The following KCNH5 variants were observed in gnomAD, a reference collection of about 807,000 sequenced individuals.
KCNH5 encodes potassium voltage-gated channel subfamily H member 5.
KCNH5 carries 46 observed loss-of-function variants against 96.1 expected under a neutral mutation model. The ratio of observed to expected loss-of-function variants is 0.48; its 90% CI spans 0.38 to 0.61. KCNH5 has a LOEUF of 0.61. Ranked by LOEUF, KCNH5 falls within the 20% of genes least tolerant of loss-of-function variation. KCNH5 has a pLI of 0.00. For synonymous variants in KCNH5, 439 were observed against 449.8 expected, an observed-to-expected ratio of 0.98 and a Z score of 0.30; for missense variants, 907 against 1,225.8, an observed-to-expected ratio of 0.74 and a Z score of 3.88.
intron 7 of KCNH5, among the ~76,000 whole-genome samples, chr14:62,911,311 C>G (rs1289280294): frequency 7.1e-6 from 1 of 140,646 alleles, no homozygotes; most frequent in African/African-American, 2.7e-5. Context: ...CGGAGTCTTG[C>G]TCTTTTACCC....
chr14:62,745,297 T>G (rs1307563655), intron 10 of KCNH5, among the ~76,000 whole-genome samples: 1 of 152,158 alleles, frequency 6.6e-6, no homozygotes, highest in Non-Finnish European at 1.5e-5. Context: ...ATCCTAAACA[T>G]AGTGGCAGCC....
chr14:62,850,957 T>C (rs1326325287), intron 7 of KCNH5, among the ~76,000 whole-genome samples: 2 of 152,184 alleles, frequency 1.3e-5, no homozygotes, highest in Admixed American at 6.5e-5. Flanking sequence ...ATAGACTGTT[T>C]CACTTTGCAG....
intron 10 of KCNH5, among the ~76,000 whole-genome samples, chr14:62,769,180 A>G (rs1260184765): frequency 1.3e-5 from 2 of 152,232 alleles, no homozygotes; most frequent in Non-Finnish European, 2.9e-5. Context: ...CTTGTCTTAC[A>G]GTGTTGATTT....
rs185304789 is a variant in KCNH5, at chr14:62,903,015, C to T, written c.1369+47118G>A. Among the ~76,000 whole-genome samples, 13 of 152,074 alleles carry T rather than the reference C, an allele frequency of 8.5e-5. No homozygotes were observed. In the East Asian group the frequency reaches 1.7e-3, roughly 20 times the overall value. On this transcript the variant is annotated intron_variant, in intron 7 of 10. Transcript: ENST00000322893. Reference sequence around the variant, plus strand: ...TTACAGGCATGAGCCACCACGTCTGCGATAATATCTATTTCATAAGACAGT... The same window carrying T: ...TTACAGGCATGAGCCACCACGTCTGTGATAATATCTATTTCATAAGACAGT...
At chr14:63,004,153 G>A (rs1203098882) in intron 3 of KCNH5, among the ~76,000 whole-genome samples, 2 of 152,176 alleles carry the variant, frequency 1.3e-5, no homozygotes, top group African/African-American at 2.4e-5. Context: ...ACAGTTTTCT[G>A]CAGATGTGAA....
intron 10 of KCNH5, chr14:62,712,731 T>C (rs1296287522): frequency 7.7e-6 from 6 of 776,390 alleles, no homozygotes; most frequent in African/African-American, 1.7e-5. Flanking sequence ...AAGCAGTGAA[T>C]TGAACACAAT....
At chr14:62,934,238 T>G (rs1889635792) in intron 7 of KCNH5, among the ~76,000 whole-genome samples, 1 of 151,988 alleles carries the variant, frequency 6.6e-6, no homozygotes, top group Non-Finnish European at 1.5e-5. Flanking sequence ...GCAATTCTTC[T>G]GCGTCAGCCT....
intron 9 of KCNH5, among the ~76,000 whole-genome samples, chr14:62,800,191 A>T (rs1247838685): frequency 1.3e-5 from 2 of 152,120 alleles, no homozygotes; most frequent in South Asian, 2.1e-4. Context: ...TTGTCCGTAT[A>T]ATTTGACTCA....
intron 9 of KCNH5, among the ~76,000 whole-genome samples, chr14:62,782,837 TA>T (rs1423700578): frequency 6.6e-6 from 1 of 151,492 alleles, no homozygotes; most frequent in South Asian, 2.1e-4. Context: ...TAAAATGAAA[TA>T]AAAAAAATAA....
intron 7 of KCNH5, among the ~76,000 whole-genome samples, chr14:62,859,771 G>T (rs1284113233): frequency 6.6e-6 from 1 of 152,168 alleles, no homozygotes; most frequent in Non-Finnish European, 1.5e-5. Context: ...CTAGAAAGGG[G>T]CTGTAGTGCT....
chr14:62,824,450 C>T (rs1887178425), intron 8 of KCNH5, among the ~76,000 whole-genome samples: 1 of 151,938 alleles, frequency 6.6e-6, no homozygotes, highest in African/African-American at 2.4e-5. Flanking sequence ...GCTGGGATTC[C>T]TGAAATATTA....
At chr14:62,762,427 T>C (rs1261852505) in intron 10 of KCNH5, among the ~76,000 whole-genome samples, 2 of 152,068 alleles carry the variant, frequency 1.3e-5, no homozygotes, top group Non-Finnish European at 2.9e-5. Flanking sequence ...GCTTAACCAA[T>C]GGAGAGTTTC....
At chr14:62,964,017 G>C (rs1890260604) in intron 6 of KCNH5, among the ~76,000 whole-genome samples, 1 of 152,102 alleles carries the variant, frequency 6.6e-6, no homozygotes. Context: ...ATAAGAAAAT[G>C]ATACTGGAGA....
At chr14:62,911,311 C>T (rs1289280294) in intron 7 of KCNH5, among the ~76,000 whole-genome samples, 3 of 140,648 alleles carry the variant, frequency 2.1e-5, no homozygotes, top group Admixed American at 7.4e-5. Context: ...CGGAGTCTTG[C>T]TCTTTTACCC....
At chr14:62,780,814 G>A (rs78702278) in intron 9 of KCNH5, among the ~76,000 whole-genome samples, 1,918 of 152,226 alleles carry the variant, frequency 0.013, 37 homozygotes, top group African/African-American at 0.045. Flanking sequence ...TTTCTGAAGT[G>A]TAGTCAACTG....
At chr14:62,914,706 T>C (rs1272639617) in intron 7 of KCNH5, among the ~76,000 whole-genome samples, 1 of 152,220 alleles carries the variant, frequency 6.6e-6, no homozygotes, top group African/African-American at 2.4e-5. Flanking sequence ...AAGCAGACTC[T>C]TACCAGACAT....
intron 6 of KCNH5, among the ~76,000 whole-genome samples, chr14:62,978,453 GGCGGGCACCAGTAGTCCCA>G (rs1382498971): frequency 2.0e-5 from 3 of 152,192 alleles, no homozygotes; most frequent in Non-Finnish European, 4.4e-5. Context: ...TATTTAGTGT[GGCGGGCACCAGTAGTCCCA>G]GCTACTTGGG....
At chr14:62,727,402 T>C (rs181983903) in intron 10 of KCNH5, among the ~76,000 whole-genome samples, 42 of 152,058 alleles carry the variant, frequency 2.8e-4, no homozygotes, top group African/African-American at 9.9e-4. Context: ...AAAGCTTGCA[T>C]AGGAGTGTGT....
chr14:62,821,361 C>T lies in KCNH5; in HGVS notation c.1570-18780G>A, dbSNP rs200890903. On this transcript the variant is annotated intron_variant, in intron 8 of 10. Coordinates refer to ENST00000322893, the MANE Select transcript of KCNH5 (RefSeq NM_139318.5). ...AGTTGTTTACTTAGTAATATATGTG[C>T]TATCATAGTAATTAAAATGCTAGGA... Among the ~76,000 whole-genome samples, 22 of 152,148 alleles carry T rather than the reference C, an allele frequency of 1.4e-4. No homozygotes were observed. The East Asian group carries it at 4.1e-3, about 28-fold the overall frequency.
Sources: allele counts gnomAD v4.1 joint callset (sites outside exome capture counted in the v4.1 genomes callset), GRCh38; gene constraint gnomAD v4.1.1; transcripts MANE v1.5; gene names NCBI Gene and HGNC (gene_info 2026-07-23, HGNC 2026-07-21).